ZNF420: variants seen among roughly 807,000 people sequenced by gnomAD.
ZNF420 encodes the protein ATM and p53-associated KZNF protein.
ZNF420 carries 31 observed loss-of-function variants against 44.7 expected under a neutral mutation model. The observed-to-expected ratio is 0.69, with a 90% CI of 0.52 to 0.94. ZNF420 has a LOEUF of 0.94. Among genes scored for constraint, ZNF420 ranks in the 40% least tolerant of loss-of-function variants. The probability of loss-of-function intolerance (pLI) is 0.00; values close to 1 mark genes in which losing one functional copy is unlikely to be tolerated. For missense variants in ZNF420, 681 were observed against 827.9 expected, an observed-to-expected ratio of 0.82 and a Z score of 2.18; for synonymous variants, 245 against 267.4, an observed-to-expected ratio of 0.92 and a Z score of 0.82.
chr19:37,096,640 A>G (rs1969470448), intron 4 of ZNF420, among the ~76,000 whole-genome samples: 2 of 152,204 alleles, frequency 1.3e-5, no homozygotes, highest in African/African-American at 4.8e-5. Flanking sequence ...CCCAAGGGTA[A>G]CTGTAACTTC....
rs1401838994 is a variant in ZNF420, at chr19:37,087,531, AC to A, written c.-80-1506del. Among the ~76,000 whole-genome samples, 4 of 152,250 alleles carry A rather than the reference AC, an allele frequency of 2.6e-5. No individual in the cohort carries two copies. The East Asian group carries it at 7.7e-4, about 29-fold the overall frequency. On this transcript the variant is annotated intron_variant, in intron 2 of 4. Coordinates refer to ENST00000337995, the MANE Select transcript of ZNF420 (RefSeq NM_144689.5). ...ATTTTCAGTTAAAAATGTATTGAGCACCTGTATCAATGATTCTCTGCAGGGG... is the reference window on the plus strand; with the variant it reads ...ATTTTCAGTTAAAAATGTATTGAGCACTGTATCAATGATTCTCTGCAGGGG...
At chr19:37,020,816 A>G (rs1026998681) in intron 1 of ZNF420, among the ~76,000 whole-genome samples, 2 of 152,206 alleles carry the variant, frequency 1.3e-5, no homozygotes, top group South Asian at 4.1e-4. Context: ...TATTCCACTT[A>G]TATGAGGTAC....
intron 1 of ZNF420, among the ~76,000 whole-genome samples, chr19:37,041,436 CTT>C (rs1281694864): frequency 8.6e-5 from 13 of 151,856 alleles, no homozygotes; most frequent in African/African-American, 4.8e-5. Flanking sequence ...AGCCTATAAA[CTT>C]ATATATAATA....
intron 1 of ZNF420, among the ~76,000 whole-genome samples, chr19:37,058,893 G>A (rs1056605211): frequency 6.6e-6 from 1 of 152,186 alleles, no homozygotes; most frequent in Non-Finnish European, 1.5e-5. Flanking sequence ...GCAGCCCCAC[G>A]GCTTTGCGAA....
intron 1 of ZNF420, among the ~76,000 whole-genome samples, chr19:37,048,958 C>T (rs1967591687): frequency 1.4e-5 from 2 of 147,074 alleles, no homozygotes; most frequent in South Asian, 4.4e-4. Context: ...TGAATGAGAA[C>T]ATGTGGTGTT....
At chr19:37,033,680 C>G (rs1178871634) in intron 1 of ZNF420, among the ~76,000 whole-genome samples, 1 of 152,178 alleles carries the variant, frequency 6.6e-6, no homozygotes, top group Non-Finnish European at 1.5e-5. Context: ...CTGTTGAAGT[C>G]CCTGCTTTCA....
At chr19:37,078,812 G>A (rs1457545551) in intron 1 of ZNF420, among the ~76,000 whole-genome samples, 1 of 152,200 alleles carries the variant, frequency 6.6e-6, no homozygotes, top group Non-Finnish European at 1.5e-5. Context: ...ATACTTATGT[G>A]ACTGTGATTT....
Position 37,128,560 on chromosome 19 carries a change from A to T in ZNF420, c.1569A>T (p.Arg523Ser). ...GTTCACATCTTTCCCAACATCAAAGACTTCACACTGGTGAGAAACCCTATG... is the reference window on the plus strand; with the variant it reads ...GTTCACATCTTTCCCAACATCAAAGTCTTCACACTGGTGAGAAACCCTATG... Reference protein sequence around the residue: ...TQSSHLSQHQRLHTGEKPYVC... With the variant: ...TQSSHLSQHQSLHTGEKPYVC... Residue 523 changes from arginine to serine, a missense_variant, in exon 5 of 5, where the codon AGA (arginine) becomes AGT (serine). Transcript: ENST00000337995. The T allele has an allele frequency of 6.2e-7, 1 of 1,613,840 alleles. No homozygotes were observed. Among genetic ancestry groups the T allele is most frequent in the South Asian group, 1.1e-5 (1 of 91,046 alleles).
intron 4 of ZNF420, among the ~76,000 whole-genome samples, chr19:37,117,242 CCT>C (rs1369236368): frequency 6.6e-6 from 1 of 152,200 alleles, no homozygotes; most frequent in Non-Finnish European, 1.5e-5. Flanking sequence ...GCCGGGTACT[CCT>C]CTGAGACAAA....
At chr19:37,120,383 T>G (rs1343243014) in intron 4 of ZNF420, among the ~76,000 whole-genome samples, 4 of 149,666 alleles carry the variant, frequency 2.7e-5, no homozygotes, top group Non-Finnish European at 1.5e-5. Flanking sequence ...CACATGATTA[T>G]CTCAATAGAT....
chr19:37,105,173 A>G (rs1241202409), intron 4 of ZNF420, among the ~76,000 whole-genome samples: 3 of 151,904 alleles, frequency 2.0e-5, no homozygotes, highest in Admixed American at 6.6e-5. Context: ...ATTAATTTTT[A>G]TATAAGGTGT....
At chr19:37,055,397 C>T (rs1450818848) in intron 1 of ZNF420, among the ~76,000 whole-genome samples, 1 of 152,160 alleles carries the variant, frequency 6.6e-6, no homozygotes, top group Non-Finnish European at 1.5e-5. Flanking sequence ...CCTGAAGCTC[C>T]TCCTCCACCG....
chr19:37,035,677 G>A (rs938170443), intron 1 of ZNF420, among the ~76,000 whole-genome samples: 4 of 152,098 alleles, frequency 2.6e-5, no homozygotes, highest in African/African-American at 9.7e-5. Context: ...CTCCACATAG[G>A]GTTTAAGCCT....
rs537808749 is a variant in ZNF420 at position 37,038,777 on chromosome 19, A to G, written c.-125+30695A>G. On this transcript the variant is annotated intron_variant, in intron 1 of 4. Transcript: ENST00000587029. ...AGACCAGCCTCACCTACATGGAGAA[A>G]CCCCGTCTCTACTAAAAATACAACA... Among the ~76,000 whole-genome samples, 48 of 151,984 alleles carry G rather than the reference A, an allele frequency of 3.2e-4. 1 individual carries two copies. Among genetic ancestry groups the G allele is most frequent in the African/African-American group, 1.1e-3 (46 of 41,466 alleles).
chr19:37,118,945 T>A (rs1970857173), intron 4 of ZNF420, among the ~76,000 whole-genome samples: 1 of 152,182 alleles, frequency 6.6e-6, no homozygotes. Flanking sequence ...ATGCATCCGA[T>A]ACAGGAGCAC....
chr19:37,045,553 C>A (rs1379829757), intron 1 of ZNF420, among the ~76,000 whole-genome samples: 1 of 152,128 alleles, frequency 6.6e-6, no homozygotes, highest in African/African-American at 2.4e-5. Context: ...TGTAGAGGAG[C>A]CTGGAGAGGC....
chr19:37,105,158 C>T (rs1970004230), intron 4 of ZNF420, among the ~76,000 whole-genome samples: 1 of 152,160 alleles, frequency 6.6e-6, no homozygotes. Flanking sequence ...TTTAATCCAT[C>T]TTGAATTAAT....
rs1000803895 is a variant in ZNF420 at position 37,087,715 on chromosome 19, G to A, written c.-80-1324G>A. On this transcript the variant is annotated intron_variant, in intron 2 of 4. Coordinates refer to ENST00000337995, the MANE Select transcript of ZNF420 (RefSeq NM_144689.5). ...GGCTGGAGTGCAGTGGCGCGATCTC[G>A]GCTCGCTGCAAGCTCCGCCTCCCGG... Among the ~76,000 whole-genome samples the A allele has an allele frequency of 1.1e-3, 163 of 152,114 alleles. 1 individual carries two copies. Among genetic ancestry groups the A allele is most frequent in the African/African-American group, 3.7e-3 (154 of 41,492 alleles).
intron 1 of ZNF420, among the ~76,000 whole-genome samples, chr19:37,061,092 C>T (rs763444795): frequency 2.6e-5 from 4 of 152,158 alleles, no homozygotes; most frequent in Non-Finnish European, 5.9e-5. Flanking sequence ...CACCTGTGCC[C>T]CCCTTCCTCC....
Sources: gnomAD v4.1 joint callset for allele counts (sites outside exome capture counted in the v4.1 genomes callset) on GRCh38, gnomAD v4.1.1 for gene constraint, MANE v1.5 for transcripts, NCBI Gene and HGNC (gene_info 2026-07-23, HGNC 2026-07-21) for gene names.